Variants in ZNF385B observed in about 807,000 individuals in gnomAD.
The protein encoded by ZNF385B is zinc finger protein 385B.
A neutral mutation model predicts 39.2 loss-of-function variants in ZNF385B; 23 were observed. That is an observed-to-expected ratio of 0.59 (90% CI 0.42 to 0.83). The LOEUF is 0.83. ZNF385B is among the 40% of genes least tolerant of loss of function. ZNF385B has a pLI of 0.00. For missense variants in ZNF385B, 552 were observed against 598.9 expected, an observed-to-expected ratio of 0.92 and a Z score of 0.82; for synonymous variants, 205 against 222.6, an observed-to-expected ratio of 0.92 and a Z score of 0.70.
chr2:179,579,471 GCTGTTTAAAATAT>G (rs1321398746), intron 3 of ZNF385B, among the ~76,000 whole-genome samples: 1 of 152,022 alleles, frequency 6.6e-6, no homozygotes, highest in African/African-American at 2.4e-5. Flanking sequence ...ATAACTGACA[GCTGTTTAAAATAT>G]CTGCTAATTG....
chr2:179,487,806 A>G (rs2105625859), intron 5 of ZNF385B, among the ~76,000 whole-genome samples: 1 of 152,354 alleles, frequency 6.6e-6, no homozygotes, highest in South Asian at 2.1e-4. Context: ...AATTGCCAGA[A>G]TTAGAAAGAG....
Position 179,769,628 on chromosome 2 carries a change from A to G in ZNF385B, c.173T>C (p.Leu58Pro), listed in dbSNP as rs1415215901. 1 of 1,614,058 alleles carries G rather than the reference A, an allele frequency of 6.2e-7. No homozygotes were observed. Among genetic ancestry groups the G allele is most frequent in the African/African-American group, 1.3e-5 (1 of 74,918 alleles). Residue 58 changes from leucine (L) to proline (P), a missense_variant, in exon 3 of 10, where the codon CTG becomes CCG. Physicochemically the swap from Leu to Pro is moderately conservative, Grantham distance 98 (BLOSUM62 -3). Transcript: ENST00000410066. ...CACCTGAGCCTGGGCTGCAGAGTTC[A>G]GCTGGATGTTGCACACCTCACAGAA... ...FSFCEVCNIQ[L>P]NSAAQAQVHS... is the part of the protein sequence containing the mutation.
intron 1 of ZNF385B, among the ~76,000 whole-genome samples, chr2:179,801,401 C>T (rs1461866148): frequency 1.3e-5 from 2 of 152,102 alleles, no homozygotes; most frequent in African/African-American, 4.8e-5. Flanking sequence ...ACTCCCTGTA[C>T]ATCTCCTGTA....
chr2:179,662,996 G>T lies in ZNF385B; in HGVS notation c.298+106507C>A, dbSNP rs76558161. Among the ~76,000 whole-genome samples, 289 of 152,100 alleles carry T rather than the reference G, an allele frequency of 1.9e-3. 1 individual carries two copies. The highest frequency in any genetic ancestry group is 6.6e-3 in the African/African-American group (274 of 41,474). ...TTTCCTCTTCTCTCCTTACTTGATG[G>T]TTAAAAGACTTAACTGAGAGAGAAA... On this transcript the variant is annotated intron_variant, in intron 3 of 9. Coordinates refer to ENST00000410066, the MANE Select transcript of ZNF385B (RefSeq NM_152520.6).
intron 3 of ZNF385B, among the ~76,000 whole-genome samples, chr2:179,658,643 T>C (rs540266851): frequency 1.3e-5 from 2 of 152,334 alleles, no homozygotes; most frequent in African/African-American, 2.4e-5. Context: ...TAATCAATTA[T>C]AGACTTTCTC....
At chr2:179,729,892 A>G (rs1328489945) in intron 3 of ZNF385B, among the ~76,000 whole-genome samples, 4 of 152,154 alleles carry the variant, frequency 2.6e-5, no homozygotes, top group African/African-American at 4.8e-5. Flanking sequence ...TGTAAGATGT[A>G]TCTGCTTCCC....
At chr2:179,574,432 C>T (rs1685573229) in intron 3 of ZNF385B, among the ~76,000 whole-genome samples, 1 of 152,136 alleles carries the variant, frequency 6.6e-6, no homozygotes, top group Non-Finnish European at 1.5e-5. Flanking sequence ...TCTAAAGTAT[C>T]CCTGTTTGGC....
intron 3 of ZNF385B, among the ~76,000 whole-genome samples, chr2:179,762,491 T>C (rs984989337): frequency 5.3e-5 from 8 of 151,912 alleles, no homozygotes; most frequent in Non-Finnish European, 1.2e-4. Flanking sequence ...CATGCCCAGG[T>C]GGTAGATTAT....
chr2:179,531,686 G>T lies in ZNF385B; in HGVS notation c.442-13048C>A, dbSNP rs939815688. On this transcript the variant is annotated intron_variant, in intron 4 of 9. Coordinates refer to ENST00000410066, the MANE Select transcript of ZNF385B (RefSeq NM_152520.6). ...ATAAATAAATATCCTTTTTAACTGG[G>T]TATCCTATAGTTAGAGCTGTTTCCC... is the stretch of plus-strand genomic sequence containing the variant. 2.6e-4 allele frequency among the ~76,000 whole-genome samples: 40 copies of T among 152,010 alleles called. 1 individual carries two copies. Among genetic ancestry groups the T allele is most frequent in the South Asian group, 2.1e-4 (1 of 4,816 alleles).
At chr2:179,834,713 T>A (rs1259108636) in intron 1 of ZNF385B, among the ~76,000 whole-genome samples, 4 of 152,168 alleles carry the variant, frequency 2.6e-5, no homozygotes, top group Non-Finnish European at 5.9e-5. Flanking sequence ...ATATTCAGAA[T>A]CTTAGTTATT....
At chr2:179,695,134 TA>T (rs549645599) in intron 3 of ZNF385B, among the ~76,000 whole-genome samples, 279 of 152,288 alleles carry the variant, frequency 1.8e-3, no homozygotes, top group African/African-American at 6.3e-3. Context: ...TTTGAGTTGG[TA>T]AACCACATTA....
At chr2:179,786,166 C>T (rs1220684309) in intron 1 of ZNF385B, among the ~76,000 whole-genome samples, 1 of 152,084 alleles carries the variant, frequency 6.6e-6, no homozygotes, top group African/African-American at 2.4e-5. Flanking sequence ...AAGGTATGTA[C>T]ATTTTTTAGA....
Position 179,493,732 on chromosome 2 carries a change from T to TATATGTATACATATGTGTATATAC in ZNF385B, c.553-10322_553-10299dup, listed in dbSNP as rs1559337390. 1.3e-3 allele frequency among the ~76,000 whole-genome samples: 179 copies of TATATGTATACATATGTGTATATAC among 139,606 alleles called. 3 individuals carry two copies. The highest frequency in any genetic ancestry group is 5.0e-3 in the African/African-American group (172 of 34,516). 91.6% of individuals were successfully genotyped at this position (139,606 alleles called of 152,430 possible). A position where few individuals can be genotyped will look rare whatever the true frequency, so the allele number is the denominator to read the frequency against. ...ACACATATGCATATACGTATATACATATATGTATACATATGTGTATATACA... is the reference window on the plus strand; with the variant it reads ...ACACATATGCATATACGTATATACATATATGTATACATATGTGTATATACATATGTATACATATGTGTATATACA... On this transcript the variant is annotated intron_variant, in intron 5 of 9. Coordinates refer to ENST00000410066, the MANE Select transcript of ZNF385B (RefSeq NM_152520.6).
chr2:179,778,749 T>A (rs971074045), intron 1 of ZNF385B, among the ~76,000 whole-genome samples: 2 of 152,184 alleles, frequency 1.3e-5, no homozygotes, highest in African/African-American at 4.8e-5. Context: ...AAATAATTTT[T>A]ATCATTCTAG....
At chr2:179,685,919 A>G (rs1195855956) in intron 3 of ZNF385B, among the ~76,000 whole-genome samples, 1 of 152,238 alleles carries the variant, frequency 6.6e-6, no homozygotes, top group Non-Finnish European at 1.5e-5. Context: ...TCAAAGGCCA[A>G]TAAGACCCAG....
At chr2:179,453,431 G>A (rs2050354961) in intron 6 of ZNF385B, among the ~76,000 whole-genome samples, 1 of 152,100 alleles carries the variant, frequency 6.6e-6, no homozygotes. Context: ...GCCTTATAAA[G>A]TAGTCTGAAG....
chr2:179,783,571 G>A (rs1214133811), intron 1 of ZNF385B, among the ~76,000 whole-genome samples: 1 of 152,076 alleles, frequency 6.6e-6, no homozygotes, highest in Non-Finnish European at 1.5e-5. Flanking sequence ...GAAAATATCT[G>A]CAAACTATAC....
intron 6 of ZNF385B, among the ~76,000 whole-genome samples, chr2:179,450,242 A>ATTGACAAAAG (rs2049961221): frequency 1.3e-5 from 2 of 152,278 alleles, no homozygotes; most frequent in Non-Finnish European, 2.9e-5. Flanking sequence ...AAAAGCCAAA[A>ATTGACAAAAG]TTGACAAATG....
intron 3 of ZNF385B, among the ~76,000 whole-genome samples, chr2:179,613,572 A>G (rs1287236461): frequency 1.3e-5 from 2 of 152,010 alleles, no homozygotes; most frequent in Admixed American, 6.5e-5. Flanking sequence ...AAGGACTAGA[A>G]TGGGGCCTTA....
Sources: gnomAD v4.1 joint callset for allele counts (sites outside exome capture counted in the v4.1 genomes callset) on GRCh38, gnomAD v4.1.1 for gene constraint, MANE v1.5 for transcripts, NCBI Gene and HGNC (gene_info 2026-07-23, HGNC 2026-07-21) for gene names.